ZNF43: variants seen among roughly 807,000 people sequenced by gnomAD.
ZNF43 encodes zinc finger protein 43.
In ZNF43, 44 loss-of-function variants were observed where a neutral mutation model predicts 68.4. That is an observed-to-expected ratio of 0.64 (90% CI 0.51 to 0.83). The LOEUF is 0.83. ZNF43 is among the 40% of genes least tolerant of loss of function. ZNF43 has a pLI of 0.00. For missense variants in ZNF43, 896 were observed against 933.2 expected (o/e 0.96, Z 0.52); for synonymous variants, 308 against 307.8 (o/e 1.00, Z -0.01).
At chr19:21,826,837 C>CAAAAAAGAAAA (rs2038148658) in intron 1 of ZNF43, 1 of 133,194 alleles carries the variant, frequency 7.5e-6, no homozygotes, top group African/African-American at 2.9e-5. Context: ...TCTTTGTCTC[C>CAAAAAAGAAAA]AAAAAAAAAA....
intron 1 of ZNF43, among the ~76,000 whole-genome samples, chr19:21,845,836 T>G (rs1207856698): frequency 6.7e-6 from 1 of 149,914 alleles, no homozygotes; most frequent in African/African-American, 2.5e-5. Flanking sequence ...GAGGTTGTCA[T>G]GAGCCGAGAT....
At chr19:21,810,907 C>T (rs1346143695) in intron 3 of ZNF43, among the ~76,000 whole-genome samples, 2 of 152,120 alleles carry the variant, frequency 1.3e-5, no homozygotes, top group Non-Finnish European at 2.9e-5. Context: ...CATGTCACTG[C>T]ACTCCAGCCT....
At chr19:21,820,140 A>G (rs1253357789) in intron 1 of ZNF43, among the ~76,000 whole-genome samples, 1 of 130,304 alleles carries the variant, frequency 7.7e-6, no homozygotes, top group African/African-American at 3.4e-5. Flanking sequence ...TGGAGGTTGC[A>G]GTGAGCTGAG....
At chr19:21,846,717 T>A (rs1338034789) in intron 1 of ZNF43, among the ~76,000 whole-genome samples, 1 of 152,318 alleles carries the variant, frequency 6.6e-6, no homozygotes, top group East Asian at 1.9e-4. Flanking sequence ...AGCTATGTGC[T>A]GCAAAATGTC....
At chr19:21,839,161 C>T (rs577403332), upstream of ZNF43, among the ~76,000 whole-genome samples, 211 of 151,890 alleles carry the variant, frequency 1.4e-3, no homozygotes, top group Non-Finnish European at 2.3e-3. Flanking sequence ...TCACAATTAT[C>T]CTTTGTAGCA....
In ZNF43 at chr19:21,823,892, T is replaced by C. The variant is rs140225641; in HGVS notation, c.4-4671A>G. Reference sequence around the variant, plus strand: ...CCTCAGGCTGATTCTAAATAGAAAATAGAACTGCCTGGCCAGGCGCAGTGG... The same window carrying C: ...CCTCAGGCTGATTCTAAATAGAAAACAGAACTGCCTGGCCAGGCGCAGTGG... On this transcript the variant is annotated intron_variant, in intron 1 of 3. Coordinates refer to ENST00000354959, the MANE Select transcript of ZNF43 (RefSeq NM_003423.4). 1.8e-3 allele frequency among the ~76,000 whole-genome samples: 279 copies of C among 152,088 alleles called. 1 individual carries two copies. The highest frequency in any genetic ancestry group is 0.014 in the Middle Eastern group (4 of 292).
At position 21,805,807 on chromosome 19, in the gene ZNF43, A is replaced by G. The variant is rs1284713191; in HGVS notation, c.*1800T>C. On this transcript the variant is annotated 3_prime_UTR_variant, in exon 4 of 4. Coordinates refer to ENST00000354959, the MANE Select transcript of ZNF43 (RefSeq NM_003423.4). ...TGAAAGCCACTGGTGAAATAGATTA[A>G]TAGAAATGTTAGTCCATTATGTTAC... is the stretch of plus-strand genomic sequence containing the variant. The G allele has an allele frequency of 1.3e-5, 2 of 152,182 alleles. No homozygotes were observed. The highest frequency in any genetic ancestry group is 2.4e-5 in the African/African-American group (1 of 41,448). The allele number at this position is 152,182 out of a possible 1,614,324, so 9.4% of individuals were successfully genotyped here.
At chr19:21,847,732 C>T (rs866011708) in intron 1 of ZNF43, among the ~76,000 whole-genome samples, 2 of 151,914 alleles carry the variant, frequency 1.3e-5, no homozygotes, top group African/African-American at 4.8e-5. Flanking sequence ...ACCATGGTGA[C>T]GGGCATCATT....
In ZNF43 at chr19:21,836,134, A is replaced by T; in HGVS notation, c.-96T>A. ...GAGGCTGGACCTCTAGCAGCAGAGG[A>T]CACAGAAGAACGAAGACGAGACGCA... On this transcript the variant is annotated 5_prime_UTR_variant, in exon 1 of 4. Transcript: ENST00000354959. 2 of 1,595,886 alleles carry T rather than the reference A, an allele frequency of 1.3e-6. No individual in the cohort carries two copies. Among genetic ancestry groups the T allele is most frequent in the African/African-American group, 1.3e-5 (1 of 74,406 alleles).
intron 3 of ZNF43, among the ~76,000 whole-genome samples, chr19:21,810,741 A>C (rs981836178): frequency 1.3e-5 from 2 of 149,370 alleles, no homozygotes; most frequent in Non-Finnish European, 2.9e-5. Context: ...TGGGGCCACA[A>C]GTTTGAGACC....
chr19:21,835,249 C>CA lies in ZNF43; in HGVS notation c.3+786dup, dbSNP rs377486360. Among the ~76,000 whole-genome samples, 656 of 82,390 alleles carry CA rather than the reference C, an allele frequency of 8.0e-3. 5 individuals are homozygous for CA. The highest frequency in any genetic ancestry group is 0.012 in the South Asian group (29 of 2,410). 54.1% of individuals were successfully genotyped at this position (82,390 alleles called of 152,430 possible). The stretch of plus-strand genomic sequence containing the variant: ...GGGCAGCAAAAGCGAAAGTCCATCT[C>CA]AAAAAAAAAAAAAAAAAGAAAAAAA... On this transcript the variant is annotated intron_variant, in intron 1 of 3. Coordinates refer to ENST00000354959, the MANE Select transcript of ZNF43 (RefSeq NM_003423.4).
intron 1 of ZNF43, among the ~76,000 whole-genome samples, chr19:21,820,447 G>A (rs577907699): frequency 2.8e-4 from 42 of 150,620 alleles, no homozygotes; most frequent in Admixed American, 5.3e-4. Context: ...GTGCGGTGGC[G>A]GGTGCCTGTA....
chr19:21,819,946 C>A (rs189199273), intron 1 of ZNF43, among the ~76,000 whole-genome samples: 1 of 152,092 alleles, frequency 6.6e-6, no homozygotes, highest in Non-Finnish European at 1.5e-5. Context: ...CACCTGTAAT[C>A]CTAGCACTTT....
intron 1 of ZNF43, among the ~76,000 whole-genome samples, chr19:21,842,811 CATA>C (rs1235335930): frequency 1.3e-5 from 2 of 151,810 alleles, no homozygotes; most frequent in South Asian, 2.1e-4. Flanking sequence ...AGGCAAATGT[CATA>C]ATGTCCTCTC....
At chr19:21,830,629 C>A (rs2038382461) in intron 1 of ZNF43, among the ~76,000 whole-genome samples, 1 of 144,852 alleles carries the variant, frequency 6.9e-6, no homozygotes. Flanking sequence ...GCCTAGAAAC[C>A]AATAAAAAAC....
At chr19:21,809,926 G>T in intron 3 of ZNF43, 119 bp from the exon 4 acceptor site, 2 of 936,768 alleles carry the variant, frequency 2.1e-6, no homozygotes, top group Non-Finnish European at 3.0e-6. Flanking sequence ...AAATACCACA[G>T]GCCCTAATTT....
In ZNF43 at chr19:21,836,142, G is replaced by C; in HGVS notation, c.-104C>G. 1 of 1,586,594 alleles carries C rather than the reference G, an allele frequency of 6.3e-7. No homozygotes were observed. Among genetic ancestry groups the C allele is most frequent in the Non-Finnish European group, 8.6e-7 (1 of 1,165,734 alleles). ...ACCTCTAGCAGCAGAGGACACAGAA[G>C]AACGAAGACGAGACGCAGAGCTCCA... is the stretch of plus-strand genomic sequence containing the variant. On this transcript the variant is annotated 5_prime_UTR_variant, in exon 1 of 4. Coordinates refer to ENST00000354959, the MANE Select transcript of ZNF43 (RefSeq NM_003423.4).
chr19:21,844,986 G>A (rs1418125964), intron 1 of ZNF43, among the ~76,000 whole-genome samples: 1 of 144,316 alleles, frequency 6.9e-6, no homozygotes, highest in East Asian at 2.0e-4. Context: ...TAAAGAGTGA[G>A]CAGGAGAGTC....
Position 21,817,920 on chromosome 19 carries a change from A to G in ZNF43, c.197T>C (p.Met66Thr), listed in dbSNP as rs1271500173. ...TTTGGCTACCATTTCATGTCTCCTC[A>G]TAGGCTCCCAAGGCTCTTTTTCTTG... ...LEQEKEPWEP[M>T]RRHEMVAKPP... Residue 66 changes from methionine to threonine, a missense_variant, in exon 3 of 4, where the codon ATG (methionine) becomes ACG (threonine). Transcript: ENST00000354959. The G allele has an allele frequency of 1.9e-6, 3 of 1,613,084 alleles. No homozygotes were observed. The highest frequency in any genetic ancestry group is 2.2e-5 in the South Asian group (2 of 91,076).
Sources: allele counts gnomAD v4.1 joint callset (sites outside exome capture counted in the v4.1 genomes callset), GRCh38; gene constraint gnomAD v4.1.1; transcripts MANE v1.5; gene names NCBI Gene and HGNC (gene_info 2026-07-23, HGNC 2026-07-21).